TENM2: variants seen among roughly 807,000 people sequenced by gnomAD.
TENM2 encodes the protein teneurin-2.
TENM2 carries 52 observed loss-of-function variants against 245.2 expected under a neutral mutation model. The ratio of observed to expected loss-of-function variants is 0.21; its 90% CI spans 0.17 to 0.27. The LOEUF is 0.27. Ranked by LOEUF, TENM2 falls within the 10% of genes least tolerant of loss-of-function variation. The pLI, the probability that TENM2 is intolerant of heterozygous loss-of-function variation, is 1.00. For synonymous variants in TENM2, 1,363 were observed against 1,438.9 expected, an observed-to-expected ratio of 0.95 and a Z score of 1.19; for missense variants, 3,046 against 3,666.8, an observed-to-expected ratio of 0.83 and a Z score of 4.37.
intron 2 of TENM2, among the ~76,000 whole-genome samples, chr5:167,695,982 C>A (rs376604387): frequency 6.6e-6 from 1 of 150,640 alleles, no homozygotes; most frequent in East Asian, 2.0e-4. Flanking sequence ...TGCAGTGAGC[C>A]GAGATTGCAC....
At chr5:167,573,356 G>A (rs1308978776) in intron 2 of TENM2, among the ~76,000 whole-genome samples, 1 of 152,134 alleles carries the variant, frequency 6.6e-6, no homozygotes, top group East Asian at 1.9e-4. Context: ...TTTCAAACCT[G>A]GGAGATACAC....
chr5:167,568,186 A>G (rs557142422), intron 2 of TENM2, among the ~76,000 whole-genome samples: 1 of 152,258 alleles, frequency 6.6e-6, no homozygotes, highest in African/African-American at 2.4e-5. Flanking sequence ...ACATGGGAGG[A>G]AAGAGCATTT....
At chr5:167,162,699 A>AT in the TENM2 span, among the ~76,000 whole-genome samples, 4 of 152,036 alleles carry the variant, frequency 2.6e-5, no homozygotes, top group Non-Finnish European at 5.9e-5. Context: ...AGCCAAAACA[A>AT]TTTTTTTGTG....
chr5:167,076,398 T>C, the TENM2 span, among the ~76,000 whole-genome samples: 30 of 152,174 alleles, frequency 2.0e-4, no homozygotes, highest in African/African-American at 6.8e-4. Context: ...TTTTTAAAGA[T>C]TGCCTTTGAT....
At chr5:167,429,082 G>T (rs1335881469) in intron 2 of TENM2, among the ~76,000 whole-genome samples, 1 of 152,022 alleles carries the variant, frequency 6.6e-6, no homozygotes, top group Non-Finnish European at 1.5e-5. Context: ...ATTTTTGAAT[G>T]GAATCCTATG....
At chr5:167,631,263 C>T (rs922460427) in intron 2 of TENM2, among the ~76,000 whole-genome samples, 17 of 151,992 alleles carry the variant, frequency 1.1e-4, no homozygotes, top group Non-Finnish European at 1.6e-4. Flanking sequence ...AATAATAAAA[C>T]GAAGAGAGGC....
chr5:168,225,434 T>C (rs1339552478), intron 23 of TENM2, among the ~76,000 whole-genome samples: 2 of 152,174 alleles, frequency 1.3e-5, no homozygotes, highest in East Asian at 1.9e-4. Context: ...TTGGGGAATA[T>C]TGATTTGATG....
intron 2 of TENM2, among the ~76,000 whole-genome samples, chr5:167,518,226 T>G (rs1172499840): frequency 1.3e-5 from 2 of 152,104 alleles, no homozygotes; most frequent in African/African-American, 4.8e-5. Flanking sequence ...TTCAAATCCC[T>G]GTACTCAGCA....
At position 167,499,820 on chromosome 5, in the gene TENM2, GTGTGTGCATGTGTATGTGAGGGTGTA is replaced by G. The variant is rs1396651011; in HGVS notation, c.502+124354_502+124379del. Among the ~76,000 whole-genome samples, 3 of 150,704 alleles carry G rather than the reference GTGTGTGCATGTGTATGTGAGGGTGTA, an allele frequency of 2.0e-5. No individual in the cohort carries two copies. The East Asian group carries it at 6.0e-4, about 30-fold the overall frequency. On this transcript the variant is annotated intron_variant, in intron 2 of 28. Coordinates refer to ENST00000518659, the Ensembl canonical transcript of TENM2. ...AGTGTATGTGAGGGAGTGTGTGTGT[GTGTGTGCATGTGTATGTGAGGGTGTA>G]TGTGTGTGTGTGCATGTGTATGTGA...
At chr5:167,761,881 G>A (rs1448360023) in intron 2 of TENM2, among the ~76,000 whole-genome samples, 1 of 152,208 alleles carries the variant, frequency 6.6e-6, no homozygotes, top group Non-Finnish European at 1.5e-5. Context: ...GAAGCACAGA[G>A]GTAGTGCCAG....
At chr5:167,179,373 T>C in the TENM2 span, among the ~76,000 whole-genome samples, 2 of 152,234 alleles carry the variant, frequency 1.3e-5, no homozygotes, top group Non-Finnish European at 2.9e-5. Context: ...TTTATTTTTA[T>C]GTTTAATCAA....
intron 25 of TENM2, among the ~76,000 whole-genome samples, chr5:168,239,158 C>T (rs1380599325): frequency 6.6e-6 from 1 of 152,166 alleles, no homozygotes; most frequent in East Asian, 1.9e-4. Flanking sequence ...CTGTTGGACC[C>T]TCCAGCATCT....
intron 4 of TENM2, among the ~76,000 whole-genome samples, chr5:167,956,566 G>A (rs1269410167): frequency 6.6e-6 from 1 of 152,186 alleles, no homozygotes; most frequent in East Asian, 1.9e-4. Flanking sequence ...CAAAGGGAAT[G>A]CTTCCAGCTT....
At chr5:166,993,778 G>T in the TENM2 span, among the ~76,000 whole-genome samples, 39 of 152,174 alleles carry the variant, frequency 2.6e-4, no homozygotes, top group Non-Finnish European at 4.1e-4. Context: ...TTAACCTGCA[G>T]ATTAAATAAC....
chr5:167,121,906 C>T, the TENM2 span, among the ~76,000 whole-genome samples: 1 of 152,132 alleles, frequency 6.6e-6, no homozygotes, highest in Non-Finnish European at 1.5e-5. Flanking sequence ...ATGGGGAACA[C>T]AGTTTAAATA....
intron 1 of TENM2, among the ~76,000 whole-genome samples, chr5:167,354,770 A>G (rs759844459): frequency 2.0e-5 from 3 of 152,218 alleles, no homozygotes; most frequent in Non-Finnish European, 4.4e-5. Context: ...TTTTTCATGT[A>G]AAGTGTTTAT....
chr5:168,223,853 A>C (rs951817093), intron 23 of TENM2, among the ~76,000 whole-genome samples: 1 of 152,126 alleles, frequency 6.6e-6, no homozygotes. Flanking sequence ...AACCACCATT[A>C]ACATTTAAAT....
chr5:167,520,722 T>C (rs183708865), intron 2 of TENM2, among the ~76,000 whole-genome samples: 6 of 152,082 alleles, frequency 3.9e-5, no homozygotes, highest in African/African-American at 1.4e-4. Flanking sequence ...CTCTCTACTC[T>C]TCATCTTTTC....
At chr5:167,222,116 T>A in the TENM2 span, among the ~76,000 whole-genome samples, 1 of 152,320 alleles carries the variant, frequency 6.6e-6, no homozygotes, top group Admixed American at 6.5e-5. Context: ...AAGGGACTTT[T>A]TTCAGTTGCC....
Sources: gnomAD v4.1 joint callset for allele counts (sites outside exome capture counted in the v4.1 genomes callset) on GRCh38, gnomAD v4.1.1 for gene constraint, MANE v1.5 for transcripts, NCBI Gene and HGNC (gene_info 2026-07-23, HGNC 2026-07-21) for gene names.